TBX15: variants seen among roughly 807,000 people sequenced by gnomAD.
TBX15 encodes the protein T-box transcription factor 15, also known as T-box transcription factor TBX15.
TBX15 carries 18 observed loss-of-function variants against 53.9 expected under a neutral mutation model. The ratio of observed to expected loss-of-function variants is 0.33; its 90% CI spans 0.23 to 0.49. The LOEUF (loss-of-function observed/expected upper bound fraction) is 0.49, where lower values mean the gene tolerates loss of function less well. TBX15 is among the 20% of genes least tolerant of loss of function. The pLI is 0.98. For missense variants in TBX15, 692 were observed against 749.5 expected (o/e 0.92, Z 0.90); for synonymous variants, 295 against 278.0 (o/e 1.06, Z -0.61).
chr1:118,970,742 T>C (rs1657210762), intron 1 of TBX15, among the ~76,000 whole-genome samples: 1 of 152,134 alleles, frequency 6.6e-6, no homozygotes, highest in Admixed American at 6.5e-5. Context: ...AGCTGCCTCA[T>C]ATTTCTCACC....
rs976729970 is a variant in TBX15 at position 118,987,876 on chromosome 1, G to T, written c.-81C>A. Reference sequence around the variant, plus strand: ...CGCCCTCAAGCTCTGAGCGCCCACCGGGCCCGGCCCGGGAGAGGCGGAGGC... The same window carrying T: ...CGCCCTCAAGCTCTGAGCGCCCACCTGGCCCGGCCCGGGAGAGGCGGAGGC... On this transcript the variant is annotated 5_prime_UTR_variant, in exon 1 of 8. Coordinates refer to ENST00000369429, the MANE Select transcript of TBX15 (RefSeq NM_001330677.2). The T allele has an allele frequency of 3.3e-6, 5 of 1,514,616 alleles. No homozygotes were observed. Among genetic ancestry groups the T allele is most frequent in the South Asian group, 1.2e-5 (1 of 82,162 alleles). The allele number at this position is 1,514,616 out of a possible 1,614,324, so 93.8% of individuals were successfully genotyped here. A position where few individuals can be genotyped will look rare whatever the true frequency, so the allele number is the denominator to read the frequency against.
chr1:118,945,698 G>A (rs1285457920), intron 1 of TBX15, among the ~76,000 whole-genome samples: 1 of 152,136 alleles, frequency 6.6e-6, no homozygotes, highest in East Asian at 1.9e-4. Flanking sequence ...CTACTGTTCA[G>A]ATGGGTGTGT....
chr1:118,901,097 G>GA (rs767595972), intron 6 of TBX15, among the ~76,000 whole-genome samples: 1 of 152,124 alleles, frequency 6.6e-6, no homozygotes, highest in Non-Finnish European at 1.5e-5. Context: ...TGAATAAATA[G>GA]AAAATGAACT....
chr1:118,924,508 T>C, intron 4 of TBX15, 138 bp downstream of exon 4: 1 of 1,016,246 alleles, frequency 9.8e-7, no homozygotes, highest in South Asian at 1.4e-5. Flanking sequence ...AAAACACTTT[T>C]ATGCTTACTT....
chr1:118,929,432 G>A (rs1008323842), intron 2 of TBX15, among the ~76,000 whole-genome samples: 5 of 151,994 alleles, frequency 3.3e-5, no homozygotes, highest in African/African-American at 7.2e-5. Context: ...AAGGAATGAA[G>A]AAAATTCACA....
chr1:118,897,902 C>T (rs540429786), intron 7 of TBX15, among the ~76,000 whole-genome samples: 23 of 152,064 alleles, frequency 1.5e-4, no homozygotes, highest in Non-Finnish European at 2.8e-4. Flanking sequence ...AATAATTAAT[C>T]GTCAGAAAGG....
intron 1 of TBX15, among the ~76,000 whole-genome samples, chr1:118,978,089 C>A (rs191204766): frequency 5.8e-4 from 89 of 152,316 alleles, no homozygotes; most frequent in African/African-American, 2.0e-3. Flanking sequence ...GCCGTAGAAC[C>A]CTTTCAACAG....
chr1:118,886,902 T>G (rs1653962877), intron 7 of TBX15, among the ~76,000 whole-genome samples: 1 of 152,188 alleles, frequency 6.6e-6, no homozygotes, highest in South Asian at 2.1e-4. Context: ...GATCTTATGA[T>G]GTGTGAATGT....
chr1:118,981,048 G>A (rs576886597), intron 1 of TBX15, among the ~76,000 whole-genome samples: 2 of 152,236 alleles, frequency 1.3e-5, no homozygotes, highest in Admixed American at 6.5e-5. Context: ...GGCCAGGCTG[G>A]TCTTGAACTC....
rs1656966509 is a variant in TBX15, at chr1:118,964,156, A to C, written c.205+23435T>G. Among the ~76,000 whole-genome samples, 15 of 152,368 alleles carry C rather than the reference A, an allele frequency of 9.8e-5. No individual in the cohort carries two copies. In the South Asian group the frequency reaches 3.1e-3, roughly 32 times the overall value. ...AAGGCACTAAGCACAGAAACTGATAACTGAAACAGTGAGCAAGAAATAAAC... is the reference window on the plus strand; with the variant it reads ...AAGGCACTAAGCACAGAAACTGATACCTGAAACAGTGAGCAAGAAATAAAC... On this transcript the variant is annotated intron_variant, in intron 1 of 7. Coordinates refer to ENST00000369429, the MANE Select transcript of TBX15 (RefSeq NM_001330677.2).
intron 1 of TBX15, among the ~76,000 whole-genome samples, chr1:118,981,243 T>C (rs1391417403): frequency 6.6e-6 from 1 of 151,930 alleles, no homozygotes. Context: ...CCATGATACC[T>C]AGGGGTGACA....
At chr1:118,891,577 C>A (rs1309726514) in intron 7 of TBX15, among the ~76,000 whole-genome samples, 2 of 152,138 alleles carry the variant, frequency 1.3e-5, no homozygotes, top group Non-Finnish European at 2.9e-5. Flanking sequence ...ATCATATTCC[C>A]CCCTACCACA....
Position 118,937,460 on chromosome 1 carries a change from G to A in TBX15, c.206-5628C>T, listed in dbSNP as rs1237265946. On this transcript the variant is annotated intron_variant, in intron 1 of 7. Coordinates refer to ENST00000369429, the MANE Select transcript of TBX15 (RefSeq NM_001330677.2). ...TCTACATGCTAAAGTTTTCTTTAAC[G>A]TGCAGGTAGTGATAGTTCTGTCTTC... Among the ~76,000 whole-genome samples, 5 of 152,126 alleles carry A rather than the reference G, an allele frequency of 3.3e-5. No individual in the cohort carries two copies. In the East Asian group the frequency reaches 7.7e-4, roughly 23 times the overall value.
At chr1:118,917,525 T>C (rs899795167) in intron 5 of TBX15, among the ~76,000 whole-genome samples, 6 of 152,180 alleles carry the variant, frequency 3.9e-5, no homozygotes, top group African/African-American at 1.4e-4. Flanking sequence ...CACATTTACC[T>C]ATGAAACAAA....
At chr1:118,960,263 T>C (rs541941753) in intron 1 of TBX15, among the ~76,000 whole-genome samples, 3 of 152,318 alleles carry the variant, frequency 2.0e-5, no homozygotes, top group African/African-American at 7.2e-5. Context: ...AGGCTTGCAC[T>C]GGAAAACTTG....
chr1:118,896,019 C>T (rs1654412837), intron 7 of TBX15, among the ~76,000 whole-genome samples: 1 of 152,186 alleles, frequency 6.6e-6, no homozygotes, highest in Admixed American at 6.5e-5. Context: ...CTGCATGCAG[C>T]CAAGAATAGC....
intron 1 of TBX15, among the ~76,000 whole-genome samples, chr1:118,969,749 G>T (rs1657169352): frequency 1.3e-5 from 2 of 152,214 alleles, no homozygotes; most frequent in South Asian, 4.1e-4. Flanking sequence ...CAGGATCAGG[G>T]ATTCTCAACT....
chr1:118,942,209 A>T (rs1414148345), intron 1 of TBX15, among the ~76,000 whole-genome samples: 1 of 152,166 alleles, frequency 6.6e-6, no homozygotes, highest in Non-Finnish European at 1.5e-5. Context: ...AGGAAAAGGG[A>T]ATTTTCTGGC....
intron 6 of TBX15, among the ~76,000 whole-genome samples, chr1:118,903,972 G>C (rs953871754): frequency 6.6e-6 from 1 of 152,160 alleles, no homozygotes; most frequent in Non-Finnish European, 1.5e-5. Context: ...TACTATTAAA[G>C]AGTAATCAGC....
Sources: gnomAD v4.1 joint callset for allele counts (sites outside exome capture counted in the v4.1 genomes callset) on GRCh38, gnomAD v4.1.1 for gene constraint, MANE v1.5 for transcripts, NCBI Gene and HGNC (gene_info 2026-07-23, HGNC 2026-07-21) for gene names.